PRR12: variants seen among roughly 807,000 people sequenced by gnomAD.
The protein encoded by PRR12 is proline rich 12.
In PRR12, 12 loss-of-function variants were observed where a neutral mutation model predicts 138.0. The ratio of observed to expected loss-of-function variants is 0.09; its 90% CI spans 0.06 to 0.14. PRR12 has a LOEUF of 0.14. Ranked by LOEUF, PRR12 falls within the 10% of genes least tolerant of loss-of-function variation. PRR12 has a pLI of 1.00. For synonymous variants in PRR12, 1,567 were observed against 1,291.7 expected, an observed-to-expected ratio of 1.21 and a Z score of -4.57; for missense variants, 2,692 against 2,861.3, an observed-to-expected ratio of 0.94 and a Z score of 1.35.
chr19:49,625,689 G>C lies in PRR12; in HGVS notation c.*82G>C. On this transcript the variant is annotated 3_prime_UTR_variant, in exon 14 of 14. Coordinates refer to ENST00000418929, the MANE Select transcript of PRR12 (RefSeq NM_020719.3). This position sits in a 1 kb window ranked among gnomAD's most constrained non-coding sequence, Gnocchi z 5.5. Reference sequence around the variant, plus strand: ...ACCGTGTCCTCAGGAGCTAACACCTGGGCTCCATCGCCGGGGAAAGGGGGT... The same window carrying C: ...ACCGTGTCCTCAGGAGCTAACACCTCGGCTCCATCGCCGGGGAAAGGGGGT... The C allele has an allele frequency of 4.1e-6, 6 of 1,476,744 alleles. No individual in the cohort carries two copies. Among genetic ancestry groups the C allele is most frequent in the Non-Finnish European group, 5.4e-6 (6 of 1,111,796 alleles). 91.5% of individuals were successfully genotyped at this position (1,476,744 alleles called of 1,614,324 possible). A position where few individuals can be genotyped will look rare whatever the true frequency, so the allele number is the denominator to read the frequency against.
Position 49,597,976 on chromosome 19 carries a change from C to T in PRR12, c.3641C>T (p.Ala1214Val). ...GRGRGRKAEE[A>V]GGTRLEPLKP... ...GGCCGGGGTCGAAAGGCTGAGGAGG[C>T]AGGGGGCACCCGGTTGGAGCCCCTG... Residue 1214 changes from alanine (A) to valine (V), a missense_variant, in exon 4 of 14, where the codon GCA becomes GTA. Physicochemically the swap from Ala to Val is moderately conservative, Grantham distance 64. Transcript: ENST00000418929. This position sits in a 1 kb window ranked among gnomAD's most constrained non-coding sequence, Gnocchi z 6.3. 2 of 1,390,492 alleles carry T rather than the reference C, an allele frequency of 1.4e-6. No homozygotes were observed. Among genetic ancestry groups the T allele is most frequent in the Non-Finnish European group, 1.9e-6 (2 of 1,075,034 alleles). The allele number at this position is 1,390,492 out of a possible 1,614,324, so 86.1% of individuals were successfully genotyped here. A position where few individuals can be genotyped will look rare whatever the true frequency, so the allele number is the denominator to read the frequency against.
In PRR12 at chr19:49,625,769, C is replaced by A. The variant is rs2080951935; in HGVS notation, c.*162C>A. 3 of 809,002 alleles carry A rather than the reference C, an allele frequency of 3.7e-6. No homozygotes were observed. In the South Asian group the frequency reaches 8.3e-5, roughly 22 times the overall value. 50.1% of individuals were successfully genotyped at this position (809,002 alleles called of 1,614,324 possible). On this transcript the variant is annotated 3_prime_UTR_variant, in exon 14 of 14. Transcript: ENST00000418929. The surrounding 1 kb of genome is among the most constrained non-coding windows in gnomAD (Gnocchi z 5.5). ...CTCCAGGGCAGGGTTCAAAGTCCGA[C>A]TCCCCCCCTCTCCCAAGCCCCCTCC...
At chr19:49,603,377 G>T (rs920456899) in intron 6 of PRR12, among the ~76,000 whole-genome samples, 3 of 152,188 alleles carry the variant, frequency 2.0e-5, no homozygotes, top group African/African-American at 7.2e-5. Flanking sequence ...ATTATTGTTT[G>T]GCCCTTCGTG....
chr19:49,620,500 G>T (rs565371962), intron 10 of PRR12, 23 bp downstream of exon 10: 8 of 1,047,116 alleles, frequency 7.6e-6, no homozygotes, highest in Middle Eastern at 2.7e-4. Flanking sequence ...CTGGGGAGGA[G>T]GGGGGGGGGC....
chr19:49,602,009 C>T, intron 6 of PRR12, 91 bp downstream of exon 6: 2 of 1,474,202 alleles, frequency 1.4e-6, no homozygotes, highest in Non-Finnish European at 1.8e-6. Context: ...GTGCTGAGAC[C>T]TGCAGATCCA....
At chr19:49,604,334 C>T (rs1007503582) in intron 6 of PRR12, among the ~76,000 whole-genome samples, 1 of 148,966 alleles carries the variant, frequency 6.7e-6, no homozygotes, top group African/African-American at 2.5e-5. Context: ...GACCTCACAT[C>T]TACCAAAAAC....
Position 49,594,401 on chromosome 19 carries a change from A to C in PRR12, c.200-53A>C. The C allele has an allele frequency of 6.7e-7, 1 of 1,482,072 alleles. No homozygotes were observed. The highest frequency in any genetic ancestry group is 2.3e-5 in the Admixed American group (1 of 43,390). The allele number at this position is 1,482,072 out of a possible 1,614,324, so 91.8% of individuals were successfully genotyped here. A position where few individuals can be genotyped will look rare whatever the true frequency, so the allele number is the denominator to read the frequency against. ...TTTGGCCTCTTCCCTTTCTCTCTTG[A>C]CTGTATCCTACCCACCCCCACCTGG... is the stretch of plus-strand genomic sequence containing the variant. On this transcript the variant is annotated intron_variant, in intron 2 of 13. Transcript: ENST00000418929. This position sits in a 1 kb window ranked among gnomAD's most constrained non-coding sequence, Gnocchi z 5.6.
At chr19:49,624,807 C>T (rs1181495520) in intron 11 of PRR12, 37 bp from the exon 12 acceptor site, 4 of 1,600,084 alleles carry the variant, frequency 2.5e-6, no homozygotes, top group African/African-American at 2.7e-5. Flanking sequence ...TTTATGGATC[C>T]AGGGCAGCAT....
Position 49,595,646 on chromosome 19 carries a change from G to A in PRR12, c.1311G>A (p.Gly437=), listed in dbSNP as rs776782292. ...YATGKASGAG[G]AGGQAYSPGQ... is the part of the protein sequence containing the mutation. ...CTGGGAAGGCCTCTGGGGCTGGAGG[G>A]GCAGGGGGCCAGGCTTATTCCCCCG... Residue 437 remains glycine, a synonymous_variant, in exon 4 of 14, where the codon GGG becomes GGA. Coordinates refer to ENST00000418929, the MANE Select transcript of PRR12 (RefSeq NM_020719.3). 13 of 1,604,698 alleles carry A rather than the reference G, an allele frequency of 8.1e-6. No individual in the cohort carries two copies. In the Admixed American group the frequency reaches 1.7e-4, roughly 21 times the overall value.
Position 49,616,077 on chromosome 19 carries a change from G to A in PRR12, c.5355G>A (p.Arg1785=), listed in dbSNP as rs2080891525. 14 of 1,567,320 alleles carry A rather than the reference G, an allele frequency of 8.9e-6. No individual in the cohort carries two copies. The highest frequency in any genetic ancestry group is 1.2e-5 in the Non-Finnish European group (14 of 1,156,782). ...CCACATCCCGGCTGCCCAAAGCCCG[G>A]CCTACCAAGGTGAAGGCTGAACCGC... ...QPATSRLPKA[R]PTKVKAEPPP... Residue 1785 remains arginine (R), a synonymous_variant, in exon 9 of 14, where the codon CGG becomes CGA. Transcript: ENST00000418929. This position sits in a 1 kb window ranked among gnomAD's most constrained non-coding sequence, Gnocchi z 4.2.
chr19:49,598,128 C>T (rs1599788331), intron 4 of PRR12, 115 bp downstream of exon 4: 13 of 1,144,730 alleles, frequency 1.1e-5, no homozygotes, highest in Admixed American at 4.2e-5. Context: ...GGCTGGAGTG[C>T]AGTGGCACGA....
intron 6 of PRR12, among the ~76,000 whole-genome samples, chr19:49,605,777 C>T (rs75096517): frequency 0.018 from 2,811 of 152,348 alleles, 90 homozygotes; most frequent in African/African-American, 0.063. Flanking sequence ...GACACCACCT[C>T]CCAGCTGGCA....
chr19:49,594,479 C>T lies in PRR12; in HGVS notation c.225C>T (p.Gly75=), dbSNP rs778332615. ...PAGLSGLFDT[G]LHHAGSAGPD... Reference sequence around the variant, plus strand: ...GCCTCTCTGGACTCTTCGACACTGGCCTCCACCACGCGGGCTCAGCAGGGC... The same window carrying T: ...GCCTCTCTGGACTCTTCGACACTGGTCTCCACCACGCGGGCTCAGCAGGGC... The change falls in exon 3 of 14, where the codon GGC becomes GGT. Residue 75 remains glycine (G), a synonymous_variant. Coordinates refer to ENST00000418929, the MANE Select transcript of PRR12 (RefSeq NM_020719.3). The surrounding 1 kb of genome is among the most constrained non-coding windows in gnomAD (Gnocchi z 5.6). 6.2e-7 allele frequency: 1 copy of T among 1,611,346 alleles called. No individual in the cohort carries two copies. The highest frequency in any genetic ancestry group is 1.1e-5 in the South Asian group (1 of 90,626).
chr19:49,620,307 C>T (rs746124522), intron 9 of PRR12, 45 bp from the exon 10 acceptor site: 2 of 1,609,706 alleles, frequency 1.2e-6, no homozygotes, highest in Non-Finnish European at 1.7e-6. Context: ...CAGGTGGTCT[C>T]AGAGGAAATT....
At chr19:49,612,927 T>TAAC (rs1381755377) in intron 6 of PRR12, among the ~76,000 whole-genome samples, 3 of 151,910 alleles carry the variant, frequency 2.0e-5, no homozygotes, top group African/African-American at 4.8e-5. Flanking sequence ...TCCCAAAATG[T>TAAC]TGGGATTAAA....
In PRR12 at chr19:49,616,827, C is replaced by T. The variant is rs1377800219; in HGVS notation, c.5497+608C>T. 1.3e-5 allele frequency among the ~76,000 whole-genome samples: 2 copies of T among 152,154 alleles called. No homozygotes were observed. Among genetic ancestry groups the T allele is most frequent in the Non-Finnish European group, 2.9e-5 (2 of 68,024 alleles). The stretch of plus-strand genomic sequence containing the variant: ...CCAGCACACTGCCACATCCTCAGTG[C>T]TTATGATGATGTCTGGTTAGGCCGG... On this transcript the variant is annotated intron_variant, in intron 9 of 13. Transcript: ENST00000418929. This position sits in a 1 kb window ranked among gnomAD's most constrained non-coding sequence, Gnocchi z 4.2.
intron 9 of PRR12, 84 bp from the exon 10 acceptor site, chr19:49,620,268 C>A: frequency 6.4e-7 from 1 of 1,558,678 alleles, no homozygotes; most frequent in Non-Finnish European, 8.7e-7. Flanking sequence ...CTCTTCCGGT[C>A]CCCAGTGTTG....
At position 49,594,515 on chromosome 19, in the gene PRR12, C is replaced by T. The variant is rs371896951; in HGVS notation, c.261C>T (p.Ser87=). The T allele has an allele frequency of 5.3e-4, 861 of 1,612,890 alleles. No individual in the cohort carries two copies. Among genetic ancestry groups the T allele is most frequent in the Non-Finnish European group, 7.0e-4 (826 of 1,179,408 alleles). Residue 87 remains serine, a synonymous_variant, in exon 3 of 14, where the codon TCC becomes TCT. Coordinates refer to ENST00000418929, the MANE Select transcript of PRR12 (RefSeq NM_020719.3). This position sits in a 1 kb window ranked among gnomAD's most constrained non-coding sequence, Gnocchi z 5.6. ...HHAGSAGPDA[S]VMNLISALES... is the part of the protein sequence containing the mutation. ...CGGGCTCAGCAGGGCCCGACGCCTC[C>T]GTCATGAACCTTATCTCGGCCCTGG...
At chr19:49,621,726 C>A (rs1283589582) in intron 11 of PRR12, 104 bp downstream of exon 11, 2 of 935,536 alleles carry the variant, frequency 2.1e-6, no homozygotes, top group Admixed American at 4.3e-5. Context: ...GGAAGGAGAT[C>A]GTCCTTCTGG....
Sources: gnomAD v4.1 joint callset for allele counts (sites outside exome capture counted in the v4.1 genomes callset) on GRCh38, gnomAD v4.1.1 for gene constraint, Gnocchi (gnomAD v3.1) non-coding constraint, MANE v1.5 for transcripts, NCBI Gene and HGNC (gene_info 2026-07-23, HGNC 2026-07-21) for gene names.